The following GPAM variants were observed in gnomAD, a reference collection of about 807,000 sequenced individuals.
GPAM encodes glycerol-3-phosphate acyltransferase, mitochondrial.
In GPAM, 56 loss-of-function variants were observed where a neutral mutation model predicts 105.0. That is an observed-to-expected ratio of 0.53 (90% confidence interval 0.43 to 0.67). The LOEUF (loss-of-function observed/expected upper bound fraction) is 0.67, where lower values mean the gene tolerates loss of function less well. Ranked by LOEUF, GPAM falls within the 30% of genes least tolerant of loss-of-function variation. GPAM has a pLI of 0.00. For synonymous variants in GPAM, 368 were observed against 354.4 expected (o/e 1.04, Z -0.43); for missense variants, 855 against 989.8 (o/e 0.86, Z 1.83).
chr10:112,154,350 C>T (rs550726011), intron 21 of GPAM: 96 of 491,220 alleles, frequency 2.0e-4, no homozygotes, highest in Non-Finnish European at 3.2e-4. Context: ...ACCTGTAGCA[C>T]CTTGAAACAT....
rs1846898357 is a variant in GPAM, at chr10:112,150,608, A to C, written c.*2942T>G. The C allele has an allele frequency of 2.1e-6, 2 of 939,464 alleles. No homozygotes were observed. Among genetic ancestry groups the C allele is most frequent in the Non-Finnish European group, 2.5e-6 (2 of 788,118 alleles). 58.2% of individuals were successfully genotyped at this position (939,464 alleles called of 1,614,324 possible). On this transcript the variant is annotated 3_prime_UTR_variant, in exon 22 of 22. Transcript: ENST00000348367. Reference sequence around the variant, plus strand: ...AAATGTTCTCCACAGGACATTAGTGAGAGGTTCATAAGTATCCCAAAGGAG... The same window carrying C: ...AAATGTTCTCCACAGGACATTAGTGCGAGGTTCATAAGTATCCCAAAGGAG...
chr10:112,211,188 G>A (rs1014264303), intron 1 of GPAM, among the ~76,000 whole-genome samples: 1 of 152,178 alleles, frequency 6.6e-6, no homozygotes, highest in African/African-American at 2.4e-5. Context: ...GGGGATTCTA[G>A]AAGACAAAAC....
intron 1 of GPAM, among the ~76,000 whole-genome samples, 185 bp from the exon 2 acceptor site, chr10:112,183,076 G>T (rs1263611960): frequency 6.6e-6 from 1 of 152,214 alleles, no homozygotes; most frequent in East Asian, 1.9e-4. Context: ...TAGAGGATCT[G>T]AAAAGGACAG....
chr10:112,193,442 G>A (rs1358296993), intron 1 of GPAM, among the ~76,000 whole-genome samples: 2 of 152,222 alleles, frequency 1.3e-5, no homozygotes, highest in Non-Finnish European at 2.9e-5. Context: ...TTTGCAAGGA[G>A]GCATTGTCCT....
At chr10:112,207,379 AGAGCCTT>A (rs1355738783) in intron 1 of GPAM, among the ~76,000 whole-genome samples, 1 of 152,222 alleles carries the variant, frequency 6.6e-6, no homozygotes, top group Middle Eastern at 3.2e-3. Flanking sequence ...CACAGCTGGC[AGAGCCTT>A]GATGAGAAAC....
At chr10:112,165,004 A>G (rs1796310930) in intron 12 of GPAM, among the ~76,000 whole-genome samples, 1 of 152,228 alleles carries the variant, frequency 6.6e-6, no homozygotes, top group Admixed American at 6.5e-5. Context: ...ACCTCAATCT[A>G]AAAGCAAATC....
intron 11 of GPAM, among the ~76,000 whole-genome samples, chr10:112,167,038 A>T (rs10749111): frequency 0.55 from 83,758 of 151,842 alleles, 23,338 homozygotes; most frequent in South Asian, 0.63. Context: ...CATATAACGG[A>T]CACAGACTCA....
At chr10:112,223,806 A>ATT in the GPAM span, among the ~76,000 whole-genome samples, 1 of 152,246 alleles carries the variant, frequency 6.6e-6, no homozygotes, top group South Asian at 2.1e-4. Context: ...CAATATAAAC[A>ATT]AAGACTACAG....
At chr10:112,218,540 G>A (rs775527413), upstream of GPAM, among the ~76,000 whole-genome samples, 2 of 152,168 alleles carry the variant, frequency 1.3e-5, no homozygotes, top group Non-Finnish European at 2.9e-5. Flanking sequence ...CACCAAAAGA[G>A]GGTTCTTGGT....
At chr10:112,193,378 C>T (rs1238733836) in intron 1 of GPAM, among the ~76,000 whole-genome samples, 1 of 152,180 alleles carries the variant, frequency 6.6e-6, no homozygotes, top group African/African-American at 2.4e-5. Flanking sequence ...TGACTTTTAT[C>T]CTCTCTCTGC....
chr10:112,160,604 C>T lies in GPAM; in HGVS notation c.1759G>A (p.Ala587Thr). 6.2e-7 allele frequency: 1 copy of T among 1,611,890 alleles called. No homozygotes were observed. ...GAAAATATTTCAAGGTCTGACATAC[C>T]TATGATGGCCTCCATGATAAAGACA... Reference protein sequence around the residue: ...LHVFIMEAIIACSLYAVLNKR... With the variant: ...LHVFIMEAIITCSLYAVLNKR... The change falls in exon 16 of 22, where the codon GCT becomes ACT. Residue 587 changes from alanine to threonine, a missense_variant and splice_region_variant. Coordinates refer to ENST00000348367, the MANE Select transcript of GPAM (RefSeq NM_001244949.2).
Position 112,151,786 on chromosome 10 carries a change from A to C in GPAM, c.*1764T>G. 1.0e-6 allele frequency: 1 copy of C among 984,744 alleles called. No individual in the cohort carries two copies. Among genetic ancestry groups the C allele is most frequent in the African/African-American group, 1.7e-5 (1 of 57,336 alleles). 61.0% of individuals were successfully genotyped at this position (984,744 alleles called of 1,614,324 possible). On this transcript the variant is annotated 3_prime_UTR_variant, in exon 22 of 22. Transcript: ENST00000348367. ...AAATGTTTGCTTCCCCAGATAAGGA[A>C]CACCCAAGACTCCCTGGGTATCCTC...
intron 9 of GPAM, among the ~76,000 whole-genome samples, 162 bp from the exon 10 acceptor site, chr10:112,169,114 C>T (rs928106833): frequency 3.9e-5 from 6 of 152,030 alleles, no homozygotes; most frequent in Non-Finnish European, 8.8e-5. Flanking sequence ...TCCATATTAT[C>T]GACATGTTTC....
chr10:112,212,597 A>G (rs1218338194), intron 1 of GPAM, among the ~76,000 whole-genome samples: 1 of 152,164 alleles, frequency 6.6e-6, no homozygotes, highest in East Asian at 1.9e-4. Flanking sequence ...ACCAGTCATC[A>G]GGATGCAGTG....
upstream of GPAM, among the ~76,000 whole-genome samples, chr10:112,184,630 C>T (rs544776483): frequency 1.3e-5 from 2 of 152,230 alleles, no homozygotes; most frequent in African/African-American, 4.8e-5. Context: ...GGCTTTTAAA[C>T]GTTGTGCTGG....
Position 112,163,780 on chromosome 10 carries a change from G to A in GPAM, c.1344C>T (p.Ser448=), listed in dbSNP as rs368158755. The A allele has an allele frequency of 1.2e-5, 20 of 1,602,594 alleles. No homozygotes were observed. The African/African-American group carries it at 2.3e-4, about 18-fold the overall frequency. The change falls in exon 14 of 22, where the codon TCC becomes TCT. Residue 448 remains serine (S), a synonymous_variant. Transcript: ENST00000348367. ...CTGTTGCATTTCTGGACTCATTAAT[G>A]GACGTGTCTCTACCTTCATCAGCAG... is the stretch of plus-strand genomic sequence containing the variant. The part of the protein sequence containing the change: ...SDAADEGRDT[S]INESRNATDE...
At chr10:112,168,009 C>A (rs1847248503) in intron 11 of GPAM, among the ~76,000 whole-genome samples, 1 of 152,184 alleles carries the variant, frequency 6.6e-6, no homozygotes, top group Non-Finnish European at 1.5e-5. Context: ...CCTTCCACAG[C>A]AGAGATGGCA....
At chr10:112,192,519 A>G (rs1287428224) in intron 1 of GPAM, among the ~76,000 whole-genome samples, 3 of 152,198 alleles carry the variant, frequency 2.0e-5, no homozygotes, top group Non-Finnish European at 2.9e-5. Flanking sequence ...CCAGGGTGTG[A>G]GCAGGGCCTG....
the GPAM span, among the ~76,000 whole-genome samples, chr10:112,226,702 GC>G: frequency 5.3e-5 from 8 of 152,204 alleles, no homozygotes; most frequent in Admixed American, 3.9e-4. Flanking sequence ...GATGCATCAA[GC>G]GACTGAGCTG....
Sources: allele counts gnomAD v4.1 joint callset (sites outside exome capture counted in the v4.1 genomes callset), GRCh38; gene constraint gnomAD v4.1.1; transcripts MANE v1.5; gene names NCBI Gene and HGNC (gene_info 2026-07-23, HGNC 2026-07-21).